The following RAB31 variants were observed in gnomAD, a reference collection of about 807,000 sequenced individuals.
RAB31 encodes the protein ras-related protein Rab-31.
Under a neutral mutation model 25.6 loss-of-function variants are expected in RAB31, and 21 were observed. The observed-to-expected ratio is 0.82, with a 90% CI of 0.58 to 1.18. The LOEUF is 1.18. Ranked by LOEUF, RAB31 falls within the 50% of genes most tolerant of loss-of-function variation. The pLI, the probability that RAB31 is intolerant of heterozygous loss-of-function variation, is 0.00. For synonymous variants in RAB31, 87 were observed against 84.0 expected (o/e 1.04, Z -0.20); for missense variants, 196 against 250.1 (o/e 0.78, Z 1.46).
At chr18:9,787,990 A>C (rs1482895420) in intron 2 of RAB31, among the ~76,000 whole-genome samples, 2 of 152,236 alleles carry the variant, frequency 1.3e-5, no homozygotes, top group African/African-American at 2.4e-5. Flanking sequence ...ACAAGTCAAA[A>C]TATGTTAAAA....
chr18:9,798,037 G>T (rs892220928), intron 3 of RAB31, among the ~76,000 whole-genome samples: 1 of 152,216 alleles, frequency 6.6e-6, no homozygotes, highest in Non-Finnish European at 1.5e-5. Flanking sequence ...TTTAGAGGTT[G>T]TAGACATCTG....
chr18:9,791,388 CTTTTTTTTTTTTTTTTTT>C, intron 2 of RAB31, among the ~76,000 whole-genome samples: 1 of 59,630 alleles, frequency 1.7e-5, no homozygotes, highest in African/African-American at 6.9e-5. Context: ...GAAACACAGT[CTTTTTTTTTTTTTTTTTT>C]TTTTTTTTTG....
intron 1 of RAB31, among the ~76,000 whole-genome samples, chr18:9,732,213 C>T (rs901440315): frequency 3.3e-5 from 5 of 152,304 alleles, no homozygotes; most frequent in South Asian, 4.1e-4. Context: ...AGACCATCTT[C>T]GTCCAGGGGG....
intron 6 of RAB31, among the ~76,000 whole-genome samples, chr18:9,851,782 C>T (rs2143146876): frequency 6.6e-6 from 1 of 152,172 alleles, no homozygotes; most frequent in East Asian, 1.9e-4. Context: ...ATAAAAAGAT[C>T]AATCATTGAA....
chr18:9,817,549 G>A lies in RAB31; in HGVS notation c.380+2327G>A, dbSNP rs555220617. Among the ~76,000 whole-genome samples the A allele has an allele frequency of 7.2e-5, 11 of 152,236 alleles. No individual in the cohort carries two copies. The South Asian group carries it at 1.2e-3, about 17-fold the overall frequency. On this transcript the variant is annotated intron_variant, in intron 5 of 6. Transcript: ENST00000578921. ...GGAATTCCCCAGGTTAAGAACAGGC[G>A]TGTGTGGCCAAGAGGGGATTGGTAG...
At chr18:9,790,930 C>A (rs1007327371) in intron 2 of RAB31, among the ~76,000 whole-genome samples, 4 of 152,070 alleles carry the variant, frequency 2.6e-5, no homozygotes, top group African/African-American at 9.7e-5. Context: ...ATTGAACATT[C>A]CTGGTATTTT....
chr18:9,837,091 G>A (rs1008805748), intron 5 of RAB31, among the ~76,000 whole-genome samples: 1 of 136,380 alleles, frequency 7.3e-6, no homozygotes, highest in Non-Finnish European at 1.6e-5. Flanking sequence ...TCAGTGTGAG[G>A]AATGGGGTGA....
chr18:9,761,738 T>G (rs942333291), intron 1 of RAB31, among the ~76,000 whole-genome samples: 1 of 152,188 alleles, frequency 6.6e-6, no homozygotes, highest in Non-Finnish European at 1.5e-5. Context: ...CATGGCAGCT[T>G]GCAAGAGCAA....
At chr18:9,770,499 A>C (rs1310812010) in intron 1 of RAB31, among the ~76,000 whole-genome samples, 2 of 152,222 alleles carry the variant, frequency 1.3e-5, no homozygotes, top group East Asian at 3.9e-4. Context: ...TTGTCATTTC[A>C]GAATAAGTGG....
At chr18:9,787,183 A>C (rs1197916323) in intron 2 of RAB31, 1 of 218,068 alleles carries the variant, frequency 4.6e-6, no homozygotes, top group East Asian at 1.1e-4. Context: ...GCCCAAATCC[A>C]TATTTCTAAC....
intron 1 of RAB31, among the ~76,000 whole-genome samples, chr18:9,754,560 G>C (rs150374913): frequency 6.6e-6 from 1 of 152,254 alleles, no homozygotes; most frequent in East Asian, 1.9e-4. Flanking sequence ...GATTACAGGC[G>C]TGAGTCACTG....
chr18:9,767,354 A>C (rs1452615540), intron 1 of RAB31, among the ~76,000 whole-genome samples: 1 of 152,226 alleles, frequency 6.6e-6, no homozygotes, highest in African/African-American at 2.4e-5. Context: ...TGTCCATAAG[A>C]ATCATGTTGA....
intron 5 of RAB31, among the ~76,000 whole-genome samples, chr18:9,838,859 G>A (rs1046713876): frequency 2.6e-5 from 4 of 152,134 alleles, no homozygotes; most frequent in African/African-American, 9.7e-5. Context: ...GGAAGGCTGG[G>A]TGAGCCTCTT....
chr18:9,813,604 C>G (rs965386834), intron 3 of RAB31, among the ~76,000 whole-genome samples: 1 of 152,130 alleles, frequency 6.6e-6, no homozygotes, highest in Non-Finnish European at 1.5e-5. Flanking sequence ...GTAATACCAG[C>G]ACTTTGGGAG....
intron 3 of RAB31, among the ~76,000 whole-genome samples, chr18:9,794,586 A>G (rs142151806): frequency 0.022 from 3,402 of 152,218 alleles, 121 homozygotes; most frequent in African/African-American, 0.078. Flanking sequence ...GGAGGCTGAG[A>G]TGAGTGGATC....
chr18:9,771,925 A>G (rs1456341142), intron 1 of RAB31, among the ~76,000 whole-genome samples: 1 of 152,202 alleles, frequency 6.6e-6, no homozygotes, highest in Non-Finnish European at 1.5e-5. Context: ...AGAGACAGTG[A>G]CTTTGTTGTT....
intron 1 of RAB31, among the ~76,000 whole-genome samples, chr18:9,749,367 G>A (rs915898710): frequency 1.3e-5 from 2 of 152,078 alleles, no homozygotes; most frequent in African/African-American, 2.4e-5. Flanking sequence ...CAGAGGGAGC[G>A]GAGGGAACGG....
intron 2 of RAB31, among the ~76,000 whole-genome samples, chr18:9,777,784 T>TTGCTCTGTCGCCC (rs1214937655): frequency 6.7e-6 from 1 of 150,302 alleles, no homozygotes; most frequent in Non-Finnish European, 1.5e-5. Flanking sequence ...AGACGGCGTC[T>TTGCTCTGTCGCCC]TGCTCTGTCG....
At chr18:9,838,688 G>A (rs2068717020) in intron 5 of RAB31, among the ~76,000 whole-genome samples, 1 of 152,224 alleles carries the variant, frequency 6.6e-6, no homozygotes, top group Admixed American at 6.5e-5. Context: ...CCGCAAGAAT[G>A]TTGTTTCCTG....
Sources: allele counts gnomAD v4.1 joint callset (sites outside exome capture counted in the v4.1 genomes callset), GRCh38; gene constraint gnomAD v4.1.1; transcripts MANE v1.5; gene names NCBI Gene and HGNC (gene_info 2026-07-23, HGNC 2026-07-21).